Variants in SNX18 observed in about 807,000 individuals in gnomAD.
SNX18 encodes sorting nexin-18.
A neutral mutation model predicts 48.7 loss-of-function variants in SNX18; 35 were observed. The ratio of observed to expected loss-of-function variants is 0.72; its 90% confidence interval spans 0.55 to 0.95. The LOEUF (loss-of-function observed/expected upper bound fraction) is 0.95. Ranked by LOEUF, SNX18 falls within the 40% of genes least tolerant of loss-of-function variation. SNX18 has a pLI of 0.00. For missense variants in SNX18, 824 were observed against 871.0 expected, an observed-to-expected ratio of 0.95 and a Z score of 0.68; for synonymous variants, 492 against 384.7, an observed-to-expected ratio of 1.28 and a Z score of -3.26.
At chr5:54,586,704 A>G in the SNX18 span, among the ~76,000 whole-genome samples, 1 of 152,212 alleles carries the variant, frequency 6.6e-6, no homozygotes, top group South Asian at 2.1e-4. Context: ...CTACCTCTTA[A>G]TACTATCACA....
At chr5:54,592,697 A>G in the SNX18 span, among the ~76,000 whole-genome samples, 1 of 152,252 alleles carries the variant, frequency 6.6e-6, no homozygotes, top group African/African-American at 2.4e-5. Context: ...AATGTTCTAC[A>G]CTTGCCAACA....
At chr5:54,568,339 C>T in the SNX18 span, among the ~76,000 whole-genome samples, 1 of 152,136 alleles carries the variant, frequency 6.6e-6, no homozygotes, top group African/African-American at 2.4e-5. Context: ...ATTGGCAGTC[C>T]ACCTGCCCAA....
At chr5:54,605,396 T>C in the SNX18 span, among the ~76,000 whole-genome samples, 8 of 151,994 alleles carry the variant, frequency 5.3e-5, no homozygotes, top group Non-Finnish European at 8.8e-5. Context: ...AATTTGAAGA[T>C]CTTAGAAAAT....
At position 54,517,886 on chromosome 5, in the gene SNX18, G is replaced by C. The variant is rs1240831006; in HGVS notation, c.-67G>C. ...CGCGCCAGGGCTCGAGCAGTACCGC[G>C]GGCCCCTCAGGTGGGCCTCGGCTCG... is the stretch of plus-strand genomic sequence containing the variant. On this transcript the variant is annotated 5_prime_UTR_variant, in exon 1 of 2. Transcript: ENST00000381410. The C allele has an allele frequency of 4.2e-6, 6 of 1,418,490 alleles. No individual in the cohort carries two copies. The highest frequency in any genetic ancestry group is 9.1e-7 in the Non-Finnish European group (1 of 1,094,048). 87.9% of individuals were successfully genotyped at this position (1,418,490 alleles called of 1,614,324 possible).
the SNX18 span, among the ~76,000 whole-genome samples, chr5:54,575,749 C>T: frequency 0.061 from 9,298 of 152,106 alleles, 318 homozygotes; most frequent in Non-Finnish European, 0.082. Context: ...CAGGAGAGAA[C>T]ACCCTTCTCA....
chr5:54,543,096 C>G (rs1239374815), intron 1 of SNX18, 83 bp from the exon 2 acceptor site: 1 of 1,373,194 alleles, frequency 7.3e-7, no homozygotes, highest in Non-Finnish European at 9.8e-7. Context: ...TTTATAATGC[C>G]CAAGATTCTG....
chr5:54,613,120 G>A, the SNX18 span, among the ~76,000 whole-genome samples: 93,577 of 152,094 alleles, frequency 0.62, 28,966 homozygotes, highest in South Asian at 0.72. Flanking sequence ...GGGCAGGTGG[G>A]TACCAATGTG....
At chr5:54,568,317 G>A in the SNX18 span, among the ~76,000 whole-genome samples, 1 of 152,172 alleles carries the variant, frequency 6.6e-6, no homozygotes, top group South Asian at 2.1e-4. Context: ...CGCTAGCAGT[G>A]GTAGAAACAA....
chr5:54,597,441 C>T, the SNX18 span, among the ~76,000 whole-genome samples: 3 of 152,146 alleles, frequency 2.0e-5, no homozygotes, highest in African/African-American at 7.2e-5. Flanking sequence ...ACAGAATATA[C>T]ATTCTTCTTG....
the SNX18 span, among the ~76,000 whole-genome samples, chr5:54,571,368 C>A: frequency 0.063 from 9,636 of 152,176 alleles, 409 homozygotes; most frequent in Non-Finnish European, 0.096. Context: ...AAAAAGTCCC[C>A]GTAGGAAGAA....
At chr5:54,635,373 T>C in the SNX18 span, among the ~76,000 whole-genome samples, 1 of 152,104 alleles carries the variant, frequency 6.6e-6, no homozygotes, top group Non-Finnish European at 1.5e-5. Flanking sequence ...TTACAGACAA[T>C]AAAAACCATA....
chr5:54,584,257 AG>A, the SNX18 span, among the ~76,000 whole-genome samples: 1 of 151,902 alleles, frequency 6.6e-6, no homozygotes, highest in Admixed American at 6.6e-5. Context: ...ACCATGTTGC[AG>A]GCTGGTCTCA....
rs767173190 is a variant in SNX18, at chr5:54,519,526, A to C, written c.1574A>C (p.Tyr525Ser). ...LDPVMDLLALYQGHLANFPDI... is the reference protein window; with the variant it reads ...LDPVMDLLALSQGHLANFPDI... ...CCCGTCATGGACCTATTAGCGCTGTATCAGGGGCATCTGGCTAACTTCCCG... is the reference window on the plus strand; with the variant it reads ...CCCGTCATGGACCTATTAGCGCTGTCTCAGGGGCATCTGGCTAACTTCCCG... The change falls in exon 1 of 2, where the codon TAT (tyrosine) becomes TCT (serine). Residue 525 changes from tyrosine (Y) to serine (S), a missense_variant. Around this residue, in one of 3 missense-constraint regions of SNX18, gnomAD observed 443 missense variants for 503.6 expected, o/e 0.88. Coordinates refer to ENST00000381410, the MANE Select transcript of SNX18 (RefSeq NM_001102575.2). 1 of 1,614,218 alleles carries C rather than the reference A, an allele frequency of 6.2e-7. No individual in the cohort carries two copies. The highest frequency in any genetic ancestry group is 1.7e-5 in the Admixed American group (1 of 60,030).
rs1269381487 is a variant in SNX18 at position 54,545,491 on chromosome 5, A to G, written c.*2059A>G. 1 of 152,030 alleles carries G rather than the reference A, an allele frequency of 6.6e-6. No homozygotes were observed. Among genetic ancestry groups the G allele is most frequent in the Non-Finnish European group, 1.5e-5 (1 of 68,016 alleles). 9.4% of individuals were successfully genotyped at this position (152,030 alleles called of 1,614,324 possible). The stretch of plus-strand genomic sequence containing the variant: ...TATCTGAGGTATATTGTATGATTGT[A>G]CTTTAGCCAGGGTGGACATAGCTTA... On this transcript the variant is annotated 3_prime_UTR_variant, in exon 2 of 2. Coordinates refer to ENST00000381410, the MANE Select transcript of SNX18 (RefSeq NM_001102575.2).
At position 54,517,835 on chromosome 5, in the gene SNX18, T is replaced by C; in HGVS notation, c.-118T>C. On this transcript the variant is annotated 5_prime_UTR_variant, in exon 1 of 2. Transcript: ENST00000381410. Reference sequence around the variant, plus strand: ...GACCGGCTGGTCCGGGCAGCGTGGGTTTGCCGCCTTCGGGGCTCCAGTCCG... The same window carrying C: ...GACCGGCTGGTCCGGGCAGCGTGGGCTTGCCGCCTTCGGGGCTCCAGTCCG... 8.9e-7 allele frequency: 1 copy of C among 1,126,858 alleles called. No homozygotes were observed. Among genetic ancestry groups the C allele is most frequent in the Non-Finnish European group, 1.1e-6 (1 of 870,062 alleles). The allele number at this position is 1,126,858 out of a possible 1,614,324, so 69.8% of individuals were successfully genotyped here.
At chr5:54,538,831 T>C (rs1762406465) in intron 1 of SNX18, among the ~76,000 whole-genome samples, 1 of 152,214 alleles carries the variant, frequency 6.6e-6, no homozygotes, top group African/African-American at 2.4e-5. Context: ...TAACTTTCTT[T>C]TGAAGGTGGA....
At chr5:54,623,938 A>G in the SNX18 span, among the ~76,000 whole-genome samples, 1 of 152,210 alleles carries the variant, frequency 6.6e-6, no homozygotes, top group Non-Finnish European at 1.5e-5. Context: ...ATAGAAACAG[A>G]ATAGAATTCA....
the SNX18 span, among the ~76,000 whole-genome samples, chr5:54,573,643 C>A: frequency 1.5e-4 from 23 of 152,146 alleles, no homozygotes; most frequent in African/African-American, 5.5e-4. Context: ...TGAGGGCTGT[C>A]GGGTGTCAGG....
the SNX18 span, among the ~76,000 whole-genome samples, chr5:54,555,704 G>A: frequency 0.02 from 3,038 of 151,960 alleles, 52 homozygotes; most frequent in East Asian, 0.093. Flanking sequence ...GCACATGCCC[G>A]TAGTCCCAGC....
Sources: gnomAD v4.1 joint callset for allele counts (sites outside exome capture counted in the v4.1 genomes callset) on GRCh38, gnomAD v4.1.1 for gene constraint, gnomAD v4.1.1 regional missense constraint, MANE v1.5 for transcripts, NCBI Gene and HGNC (gene_info 2026-07-23, HGNC 2026-07-21) for gene names.